Variants in SEMA3D observed in about 807,000 individuals in gnomAD.
SEMA3D encodes the protein semaphorin 3D, also known as semaphorin-3D.
SEMA3D carries 84 observed loss-of-function variants against 100.1 expected under a neutral mutation model. That is an observed-to-expected ratio of 0.84 (90% CI 0.70 to 1.01). The LOEUF is 1.01. SEMA3D is among the 50% of genes least tolerant of loss of function. The pLI, the probability that SEMA3D is intolerant of heterozygous loss-of-function variation, is 0.00. For missense variants in SEMA3D, 875 were observed against 934.1 expected (o/e 0.94, Z 0.82); for synonymous variants, 312 against 320.7 (o/e 0.97, Z 0.29).
chr7:85,062,088 A>G (rs1007967955), intron 8 of SEMA3D, among the ~76,000 whole-genome samples: 3 of 152,192 alleles, frequency 2.0e-5, no homozygotes, highest in Non-Finnish European at 4.4e-5. Flanking sequence ...GTATTATACA[A>G]TGGAAATGAT....
the SEMA3D span, among the ~76,000 whole-genome samples, chr7:85,213,863 C>A: frequency 3.3e-5 from 5 of 152,078 alleles, no homozygotes; most frequent in African/African-American, 7.2e-5. Context: ...ATTTAGTTTA[C>A]ATCAGCAACA....
At chr7:85,115,902 T>A (rs1489340758) in intron 3 of SEMA3D, among the ~76,000 whole-genome samples, 2 of 152,098 alleles carry the variant, frequency 1.3e-5, no homozygotes, top group Non-Finnish European at 2.9e-5. Flanking sequence ...ACCAAAAAAA[T>A]TTTCCAACTT....
intron 1 of SEMA3D, among the ~76,000 whole-genome samples, chr7:85,173,644 GA>G: frequency 6.6e-6 from 1 of 152,178 alleles, no homozygotes; most frequent in African/African-American, 2.4e-5. Flanking sequence ...GTCTGTTTAA[GA>G]AAAAGAAAAA....
chr7:85,076,750 T>C (rs1433280577), intron 5 of SEMA3D, among the ~76,000 whole-genome samples: 1 of 152,202 alleles, frequency 6.6e-6, no homozygotes, highest in Non-Finnish European at 1.5e-5. Flanking sequence ...TAGGCTTGTC[T>C]AGAAGTTCTC....
At chr7:85,131,927 T>G (rs1211398228) in intron 2 of SEMA3D, among the ~76,000 whole-genome samples, 2 of 151,886 alleles carry the variant, frequency 1.3e-5, no homozygotes, top group Admixed American at 6.6e-5. Context: ...TCTTTAAAAT[T>G]TATTCTTCCT....
Position 85,022,450 on chromosome 7 carries a change from A to G in SEMA3D, c.1355T>C (p.Ile452Thr). 6.2e-7 allele frequency: 1 copy of G among 1,612,502 alleles called. No individual in the cohort carries two copies. The highest frequency in any genetic ancestry group is 8.5e-7 in the Non-Finnish European group (1 of 1,178,932). Reference sequence around the variant, plus strand: ...TTCTGCAATGACATGATCCACCACTATCTGTGTCAGTCTGTAATCCACATT... The same window carrying G: ...TTCTGCAATGACATGATCCACCACTGTCTGTGTCAGTCTGTAATCCACATT... Reference protein sequence around the residue: ...RINVDYRLTQIVVDHVIAEDG... With the variant: ...RINVDYRLTQTVVDHVIAEDG... The change falls in exon 13 of 19, where the codon ATA becomes ACA. Residue 452 changes from isoleucine (I) to threonine (T), a missense_variant. Coordinates refer to ENST00000284136, the MANE Select transcript of SEMA3D (RefSeq NM_001384900.1).
At chr7:85,141,317 TTAA>T (rs1790046434) in intron 2 of SEMA3D, 5 of 984,440 alleles carry the variant, frequency 5.1e-6, no homozygotes, top group East Asian at 2.3e-4. Context: ...TGTCAAAAAC[TTAA>T]TAATTTATTT....
chr7:85,225,170 T>C, the SEMA3D span, among the ~76,000 whole-genome samples: 3,143 of 141,666 alleles, frequency 0.022, 161 homozygotes, highest in East Asian at 0.2. Context: ...TAAATATATA[T>C]ATAAAATACA....
At chr7:85,163,385 G>C (rs1016128926) in intron 1 of SEMA3D, among the ~76,000 whole-genome samples, 15 of 151,502 alleles carry the variant, frequency 9.9e-5, no homozygotes, top group African/African-American at 3.6e-4. Flanking sequence ...TCACCAGAGT[G>C]AACAGTAAAA....
At chr7:85,135,518 G>C (rs1789835152) in intron 2 of SEMA3D, among the ~76,000 whole-genome samples, 1 of 151,878 alleles carries the variant, frequency 6.6e-6, no homozygotes, top group Non-Finnish European at 1.5e-5. Context: ...GGTGGGGGTA[G>C]AGGGGGAGGG....
At chr7:85,150,462 A>G (rs1790346294) in intron 2 of SEMA3D, among the ~76,000 whole-genome samples, 1 of 138,486 alleles carries the variant, frequency 7.2e-6, no homozygotes, top group South Asian at 2.4e-4. Flanking sequence ...ACACACACAC[A>G]TATATTTACA....
At chr7:85,087,268 C>T (rs1788247322) in intron 4 of SEMA3D, among the ~76,000 whole-genome samples, 1 of 152,184 alleles carries the variant, frequency 6.6e-6, no homozygotes, top group South Asian at 2.1e-4. Flanking sequence ...TTTAATTGCT[C>T]TGAAATATTC....
chr7:85,079,050 G>C (rs578024873), intron 5 of SEMA3D, among the ~76,000 whole-genome samples: 2 of 152,240 alleles, frequency 1.3e-5, no homozygotes, highest in African/African-American at 2.4e-5. Context: ...TGTTATGTAA[G>C]AGCACAGACC....
the SEMA3D span, among the ~76,000 whole-genome samples, chr7:85,243,417 G>A: frequency 1.3e-5 from 2 of 152,032 alleles, no homozygotes; most frequent in African/African-American, 4.8e-5. Context: ...GTCGATTCCG[G>A]TACTGGTTTT....
the SEMA3D span, among the ~76,000 whole-genome samples, chr7:85,249,378 C>T: frequency 2.6e-5 from 4 of 152,104 alleles, no homozygotes; most frequent in South Asian, 8.3e-4. Context: ...AATATGGTAT[C>T]ATGCATGGGA....
At chr7:85,119,693 C>A (rs764647691) in intron 3 of SEMA3D, among the ~76,000 whole-genome samples, 22 of 152,118 alleles carry the variant, frequency 1.4e-4, no homozygotes, top group Non-Finnish European at 1.8e-4. Context: ...AAATAATCTG[C>A]ACAACAAACC....
chr7:85,220,697 A>G, the SEMA3D span, among the ~76,000 whole-genome samples: 2 of 152,118 alleles, frequency 1.3e-5, no homozygotes, highest in Non-Finnish European at 2.9e-5. Flanking sequence ...AAAGACTACA[A>G]ATTTAAAAAT....
At chr7:85,079,489 GAAT>G (rs1361655504) in intron 5 of SEMA3D, among the ~76,000 whole-genome samples, 1 of 152,104 alleles carries the variant, frequency 6.6e-6, no homozygotes, top group Non-Finnish European at 1.5e-5. Flanking sequence ...GACTGAATTG[GAAT>G]AATATGTTCT....
Position 85,121,907 on chromosome 7 carries a change from C to G in SEMA3D, c.-16G>C. 6.6e-7 allele frequency: 1 copy of G among 1,521,768 alleles called. No homozygotes were observed. Among genetic ancestry groups the G allele is most frequent in the Non-Finnish European group, 8.9e-7 (1 of 1,120,812 alleles). The allele number at this position is 1,521,768 out of a possible 1,614,324, so 94.3% of individuals were successfully genotyped here. On this transcript the variant is annotated 5_prime_UTR_variant, in exon 3 of 19. Coordinates refer to ENST00000284136, the MANE Select transcript of SEMA3D (RefSeq NM_001384900.1). ...TAGCATTCATGATGAAAACAATGTT[C>G]TCTTTCAAATGGTGTTAATTTAATC...
Sources: allele counts gnomAD v4.1 joint callset (sites outside exome capture counted in the v4.1 genomes callset), GRCh38; gene constraint gnomAD v4.1.1; transcripts MANE v1.5; gene names NCBI Gene and HGNC (gene_info 2026-07-23, HGNC 2026-07-21).